COL19A1: variants seen among roughly 807,000 people sequenced by gnomAD.
COL19A1 encodes collagen alpha-1(XIX) chain.
Under a neutral mutation model 190.2 loss-of-function variants are expected in COL19A1, and 159 were observed. The observed-to-expected ratio is 0.84, with a 90% confidence interval of 0.73 to 0.95. COL19A1 has a LOEUF of 0.95. COL19A1 is among the 40% of genes least tolerant of loss of function. The pLI is 0.00. For missense variants in COL19A1, 1,418 were observed against 1,431.9 expected (o/e 0.99, Z 0.16); for synonymous variants, 509 against 458.9 (o/e 1.11, Z -1.39).
At chr6:70,188,737 T>G (rs543032023) in intron 47 of COL19A1, among the ~76,000 whole-genome samples, 1 of 152,294 alleles carries the variant, frequency 6.6e-6, no homozygotes, top group South Asian at 2.1e-4. Context: ...TAGAAACCAC[T>G]TAGGCCAAGA....
At chr6:70,174,559 CA>C (rs71536501) in intron 41 of COL19A1, among the ~76,000 whole-genome samples, 51,788 of 140,232 alleles carry the variant, frequency 0.37, 9,172 homozygotes, top group Middle Eastern at 0.5. Flanking sequence ...GACTCCGTCT[CA>C]AAAAAAAAAA....
At chr6:70,185,879 T>C (rs2150292020) in intron 46 of COL19A1, among the ~76,000 whole-genome samples, 1 of 152,250 alleles carries the variant, frequency 6.6e-6, no homozygotes, top group East Asian at 1.9e-4. Context: ...AATGTGAAAA[T>C]ACAGATGATG....
chr6:70,113,454 C>T (rs1047061670), intron 16 of COL19A1, among the ~76,000 whole-genome samples: 2 of 152,202 alleles, frequency 1.3e-5, no homozygotes, highest in Non-Finnish European at 2.9e-5. Context: ...CTGTTATCCA[C>T]TGCAATTTCA....
chr6:70,034,192 G>A (rs1779221356), intron 12 of COL19A1, 53 bp from the exon 13 acceptor site: 1 of 1,241,526 alleles, frequency 8.1e-7, no homozygotes, highest in African/African-American at 1.5e-5. Flanking sequence ...CTAATGACTT[G>A]TTAGAAATTA....
At chr6:69,936,737 A>G in intron 7 of COL19A1, 48 bp from the exon 8 acceptor site, 4 of 1,601,840 alleles carry the variant, frequency 2.5e-6, no homozygotes, top group Non-Finnish European at 3.4e-6. Context: ...GGAACATGAG[A>G]ATGTTTGGAA....
At chr6:69,921,945 A>AATTACAC (rs1249001158) in intron 4 of COL19A1, among the ~76,000 whole-genome samples, 1 of 152,010 alleles carries the variant, frequency 6.6e-6, no homozygotes, top group Non-Finnish European at 1.5e-5. Context: ...TCTTATAGGA[A>AATTACAC]ATTACACTCC....
At chr6:69,992,033 G>C (rs1196734896) in intron 11 of COL19A1, among the ~76,000 whole-genome samples, 1 of 151,942 alleles carries the variant, frequency 6.6e-6, no homozygotes, top group African/African-American at 2.4e-5. Context: ...TACAGTTTTA[G>C]GTTTTATATT....
At chr6:70,064,320 AAC>A (rs1781039063) in intron 14 of COL19A1, among the ~76,000 whole-genome samples, 1 of 152,232 alleles carries the variant, frequency 6.6e-6, no homozygotes, top group East Asian at 1.9e-4. Flanking sequence ...AGGCTGGTTT[AAC>A]ACACACAAAT....
At chr6:69,961,517 G>A (rs966669848) in intron 10 of COL19A1, among the ~76,000 whole-genome samples, 3 of 152,152 alleles carry the variant, frequency 2.0e-5, no homozygotes, top group African/African-American at 2.4e-5. Context: ...TACTGGAGGC[G>A]TTTAGCAGCT....
intron 11 of COL19A1, among the ~76,000 whole-genome samples, chr6:70,018,658 C>T (rs1252882465): frequency 6.6e-6 from 1 of 151,982 alleles, no homozygotes; most frequent in Non-Finnish European, 1.5e-5. Flanking sequence ...TGAGAGGGAG[C>T]TCAGGATACA....
chr6:69,920,506 T>G (rs1387326625), intron 4 of COL19A1, among the ~76,000 whole-genome samples: 1 of 152,154 alleles, frequency 6.6e-6, no homozygotes, highest in African/African-American at 2.4e-5. Flanking sequence ...TAGAGCTGGC[T>G]CCCTCCCTCA....
At chr6:69,995,709 A>G (rs1183004611) in intron 11 of COL19A1, among the ~76,000 whole-genome samples, 1 of 152,158 alleles carries the variant, frequency 6.6e-6, no homozygotes, top group East Asian at 1.9e-4. Flanking sequence ...AAACTTCAAT[A>G]AAAGTGTTTC....
rs532138193 is a variant in COL19A1, at chr6:69,976,496, A to G, written c.1026+13626A>G. Among the ~76,000 whole-genome samples the G allele has an allele frequency of 2.0e-5, 3 of 152,288 alleles. No homozygotes were observed. In the South Asian group the frequency reaches 6.2e-4, roughly 32 times the overall value. On this transcript the variant is annotated intron_variant, in intron 11 of 50. Coordinates refer to ENST00000620364, the MANE Select transcript of COL19A1 (RefSeq NM_001858.6). ...GACAAAACATCCTTTCAGAGAGTAGATATGAAATGCTTGATGGTGTTTTGT... is the reference window on the plus strand; with the variant it reads ...GACAAAACATCCTTTCAGAGAGTAGGTATGAAATGCTTGATGGTGTTTTGT...
chr6:70,079,434 G>A (rs538059574), intron 15 of COL19A1, among the ~76,000 whole-genome samples: 1 of 152,252 alleles, frequency 6.6e-6, no homozygotes, highest in African/African-American at 2.4e-5. Flanking sequence ...ATCACAATGG[G>A]GTGAGGGGGC....
intron 41 of COL19A1, among the ~76,000 whole-genome samples, chr6:70,173,319 G>A (rs1765604109): frequency 6.6e-6 from 1 of 152,158 alleles, no homozygotes; most frequent in African/African-American, 2.4e-5. Context: ...GCGGAAGACT[G>A]GATAAGATTA....
At chr6:70,035,863 G>A in intron 13 of COL19A1, 41 bp from the exon 14 acceptor site, 1 of 1,562,212 alleles carries the variant, frequency 6.4e-7, no homozygotes. Context: ...TGTGCAAAAA[G>A]GGACTAGTGG....
intron 2 of COL19A1, among the ~76,000 whole-genome samples, chr6:69,887,991 G>C (rs1314739127): frequency 6.6e-6 from 1 of 152,124 alleles, no homozygotes; most frequent in African/African-American, 2.4e-5. Context: ...TCCCTCTAAA[G>C]AAGTACATCT....
intron 11 of COL19A1, among the ~76,000 whole-genome samples, chr6:69,982,896 C>T (rs1479540719): frequency 8.6e-5 from 13 of 151,048 alleles, no homozygotes; most frequent in African/African-American, 3.2e-4. Flanking sequence ...GGCGTGAACC[C>T]GGGAGGCAGA....
chr6:70,054,263 T>C (rs1780370779), intron 14 of COL19A1, among the ~76,000 whole-genome samples: 1 of 152,110 alleles, frequency 6.6e-6, no homozygotes, highest in South Asian at 2.1e-4. Context: ...GGCAGGAGAA[T>C]CACTTGAACC....
Sources: allele counts gnomAD v4.1 joint callset (sites outside exome capture counted in the v4.1 genomes callset), GRCh38; gene constraint gnomAD v4.1.1; transcripts MANE v1.5; gene names NCBI Gene and HGNC (gene_info 2026-07-23, HGNC 2026-07-21).